Variants in CENPU observed in about 807,000 individuals in gnomAD.
CENPU encodes the protein centromere protein U.
CENPU carries 46 observed loss-of-function variants against 56.7 expected under a neutral mutation model. The observed-to-expected ratio is 0.81, with a 90% CI of 0.64 to 1.04. The LOEUF (loss-of-function observed/expected upper bound fraction) is 1.04, where lower values mean the gene tolerates loss of function less well. CENPU is among the 50% of genes least tolerant of loss of function. The probability of loss-of-function intolerance (pLI) is 0.00; values close to 1 mark genes in which losing one functional copy is unlikely to be tolerated. For missense variants in CENPU, 510 were observed against 490.1 expected, an observed-to-expected ratio of 1.04 and a Z score of -0.38; for synonymous variants, 166 against 163.0, an observed-to-expected ratio of 1.02 and a Z score of -0.14.
At chr4:184,712,445 G>C (rs1234187333) in intron 7 of CENPU, among the ~76,000 whole-genome samples, 1 of 152,176 alleles carries the variant, frequency 6.6e-6, no homozygotes, top group Non-Finnish European at 1.5e-5. Context: ...ACATGAAAGA[G>C]GCATGGGGGA....
chr4:184,723,756 T>C (rs183047097), intron 4 of CENPU, among the ~76,000 whole-genome samples: 147 of 144,070 alleles, frequency 1.0e-3, no homozygotes, highest in African/African-American at 3.7e-3. Flanking sequence ...GGCAGGAGAA[T>C]TGCTTGAACC....
rs907226290 is a variant in CENPU, at chr4:184,725,114, A to G, written c.215-52T>C. 8.7e-6 allele frequency: 10 copies of G among 1,145,366 alleles called. No individual in the cohort carries two copies. In the Admixed American group the frequency reaches 1.5e-4, roughly 17 times the overall value. The allele number at this position is 1,145,366 out of a possible 1,614,324, so 71.0% of individuals were successfully genotyped here. A position where few individuals can be genotyped will look rare whatever the true frequency, so the allele number is the denominator to read the frequency against. ...ACTTTAAAAGTCTGGCTATTTGGGC[A>G]GTACTGTAGTTTATTCCCTTACAAT... On this transcript the variant is annotated intron_variant, in intron 3 of 12. Transcript: ENST00000281453.
chr4:184,729,746 A>G (rs1761574846), intron 2 of CENPU, among the ~76,000 whole-genome samples: 1 of 152,206 alleles, frequency 6.6e-6, no homozygotes, highest in East Asian at 1.9e-4. Flanking sequence ...ACATGTGTAA[A>G]AACTCCTGAC....
At chr4:184,714,104 A>C (rs1219668600) in intron 6 of CENPU, among the ~76,000 whole-genome samples, 1 of 152,186 alleles carries the variant, frequency 6.6e-6, no homozygotes, top group Non-Finnish European at 1.5e-5. Context: ...CAACCAGAAG[A>C]CAACAGAATG....
intron 3 of CENPU, among the ~76,000 whole-genome samples, chr4:184,726,280 A>C (rs1009626766): frequency 2.6e-5 from 4 of 152,202 alleles, no homozygotes; most frequent in Non-Finnish European, 5.9e-5. Flanking sequence ...AAAAAGACAA[A>C]TAATCCAATT....
intron 7 of CENPU, among the ~76,000 whole-genome samples, chr4:184,711,289 A>G (rs1760916435): frequency 6.6e-6 from 1 of 152,180 alleles, no homozygotes; most frequent in Non-Finnish European, 1.5e-5. Context: ...TTTTATTTTT[A>G]ATTGACACAT....
At chr4:184,695,510 ACTC>A (rs1004485944) in intron 12 of CENPU, 109 bp from the exon 13 acceptor site, 14 of 653,272 alleles carry the variant, frequency 2.1e-5, no homozygotes, top group Non-Finnish European at 3.0e-5. Context: ...TCCATTAACT[ACTC>A]CTCCTCTCAT....
intron 8 of CENPU, among the ~76,000 whole-genome samples, chr4:184,705,016 T>A (rs1760676427): frequency 6.6e-6 from 1 of 152,124 alleles, no homozygotes; most frequent in Non-Finnish European, 1.5e-5. Flanking sequence ...ACAGTCTCAG[T>A]CCCTTACAAA....
rs570348095 is a variant in CENPU, at chr4:184,721,600, C to G, written c.320+3357G>C. On this transcript the variant is annotated intron_variant, in intron 4 of 12. Transcript: ENST00000281453. ...ATGGAAACCAAAAAGAGCAGAGTAG[C>G]TATACTTATTTCAGACAAACTAGAT... 4.0e-5 allele frequency among the ~76,000 whole-genome samples: 6 copies of G among 150,442 alleles called. No individual in the cohort carries two copies. In the East Asian group the frequency reaches 1.2e-3, roughly 29 times the overall value.
In CENPU at chr4:184,697,873, C is replaced by T. The variant is rs148542402; in HGVS notation, c.987-70G>A. The T allele has an allele frequency of 3.6e-5, 46 of 1,262,328 alleles. 1 individual carries two copies. The East Asian group carries it at 6.9e-4, about 19-fold the overall frequency. The allele number at this position is 1,262,328 out of a possible 1,614,324, so 78.2% of individuals were successfully genotyped here. A position where few individuals can be genotyped will look rare whatever the true frequency, so the allele number is the denominator to read the frequency against. Reference sequence around the variant, plus strand: ...CGTGGTGAAACTGAGGTTGTAAGTACGCTGAGCGAGTGTGAAGAACCGGGG... The same window carrying T: ...CGTGGTGAAACTGAGGTTGTAAGTATGCTGAGCGAGTGTGAAGAACCGGGG... On this transcript the variant is annotated intron_variant, in intron 11 of 12. Transcript: ENST00000281453.
chr4:184,699,356 A>AAATAAATAAAAT (rs60530775), intron 11 of CENPU, among the ~76,000 whole-genome samples: 1,805 of 151,766 alleles, frequency 0.012, 25 homozygotes, highest in Non-Finnish European at 0.019. Flanking sequence ...ATAAATAAAT[A>AAATAAATAAAAT]AAATAAACTT....
intron 1 of CENPU, among the ~76,000 whole-genome samples, chr4:184,733,789 C>T (rs1350910042): frequency 2.6e-5 from 4 of 152,246 alleles, no homozygotes; most frequent in African/African-American, 9.6e-5. Flanking sequence ...CACTGGCTGA[C>T]GTCTCTCCCA....
Position 184,725,012 on chromosome 4 carries a change from T to C in CENPU, c.265A>G (p.Lys89Glu). 1 of 1,613,458 alleles carries C rather than the reference T, an allele frequency of 6.2e-7. No homozygotes were observed. The highest frequency in any genetic ancestry group is 8.5e-7 in the Non-Finnish European group (1 of 1,179,732). Residue 89 changes from lysine (K) to glutamate (E), a missense_variant, in exon 4 of 13, where the codon AAA (lysine) becomes GAA (glutamate). Transcript: ENST00000281453. ...GAAGAGAGAGACAGTCCACAATGTT[T>C]GGAGAATTCTTCTTCATCAGCATAT... is the stretch of plus-strand genomic sequence containing the variant. ...AIYADEEEFSKHCGLSLSSTP... is the reference protein window; with the variant it reads ...AIYADEEEFSEHCGLSLSSTP...
intron 4 of CENPU, among the ~76,000 whole-genome samples, chr4:184,721,948 T>C (rs189508544): frequency 4.6e-4 from 70 of 152,330 alleles, no homozygotes; most frequent in Non-Finnish European, 8.5e-4. Flanking sequence ...GAATACGCAT[T>C]CTTCTCCTCA....
In CENPU at chr4:184,699,908, C is replaced by T. The variant is rs373138186; in HGVS notation, c.986+912G>A. Among the ~76,000 whole-genome samples, 18 of 152,336 alleles carry T rather than the reference C, an allele frequency of 1.2e-4. No homozygotes were observed. The East Asian group carries it at 1.3e-3, about 11-fold the overall frequency. ...CTGACCTCAAGTGATCTGCCCACCT[C>T]GGCCTCCCAAAGTGCTGGGATTACA... On this transcript the variant is annotated intron_variant, in intron 11 of 12. Coordinates refer to ENST00000281453, the MANE Select transcript of CENPU (RefSeq NM_024629.4).
chr4:184,702,353 G>A lies in CENPU; in HGVS notation c.876+10C>T, dbSNP rs1760563310. On this transcript the variant is annotated intron_variant, in intron 9 of 12. Transcript: ENST00000281453. ...ACCTTAGACCAACAAATGCATGTCC[G>A]TGAGCTTACCATTTTGATGAATTGT... The A allele has an allele frequency of 1.2e-6, 2 of 1,609,662 alleles. No individual in the cohort carries two copies. Among genetic ancestry groups the A allele is most frequent in the Non-Finnish European group, 1.7e-6 (2 of 1,178,120 alleles).
chr4:184,708,925 T>C (rs1760823826), intron 8 of CENPU, among the ~76,000 whole-genome samples: 1 of 152,080 alleles, frequency 6.6e-6, no homozygotes, highest in African/African-American at 2.4e-5. Context: ...GAAGGGGAAA[T>C]TCTATCTACC....
chr4:184,729,860 T>C (rs1360702803), intron 2 of CENPU, among the ~76,000 whole-genome samples: 1 of 152,204 alleles, frequency 6.6e-6, no homozygotes, highest in Admixed American at 6.5e-5. Context: ...AGAAAAACTT[T>C]CATGGTAGTT....
chr4:184,705,743 G>A (rs1447035189), intron 8 of CENPU, among the ~76,000 whole-genome samples: 2 of 152,194 alleles, frequency 1.3e-5, no homozygotes, highest in Non-Finnish European at 2.9e-5. Flanking sequence ...AATGAATGGA[G>A]GAATGGTTAT....
Sources: gnomAD v4.1 joint callset for allele counts (sites outside exome capture counted in the v4.1 genomes callset) on GRCh38, gnomAD v4.1.1 for gene constraint, MANE v1.5 for transcripts, NCBI Gene and HGNC (gene_info 2026-07-23, HGNC 2026-07-21) for gene names.